GALNT17: variants seen among roughly 807,000 people sequenced by gnomAD.
The protein encoded by GALNT17 is UDP-GalNAc:polypeptide N-acetylgalactosaminyltransferase-like 3.
GALNT17 carries 29 observed loss-of-function variants against 63.7 expected under a neutral mutation model. That is an observed-to-expected ratio of 0.46 (90% CI 0.34 to 0.62). GALNT17 has a LOEUF of 0.62. Ranked by LOEUF, GALNT17 falls within the 20% of genes least tolerant of loss-of-function variation. The pLI is 0.01. For synonymous variants in GALNT17, 305 were observed against 318.3 expected (o/e 0.96, Z 0.45); for missense variants, 603 against 799.6 (o/e 0.75, Z 2.97).
intron 1 of GALNT17, among the ~76,000 whole-genome samples, chr7:71,198,036 A>G (rs984423765): frequency 1.3e-5 from 2 of 151,874 alleles, no homozygotes; most frequent in Non-Finnish European, 2.9e-5. Context: ...TCTCTACTCA[A>G]ATTACAAAAA....
intron 1 of GALNT17, among the ~76,000 whole-genome samples, chr7:71,316,726 C>T (rs1791507570): frequency 6.6e-6 from 1 of 152,100 alleles, no homozygotes; most frequent in Non-Finnish European, 1.5e-5. Context: ...AGGTGCACAC[C>T]TGGGAGAGTG....
chr7:71,333,944 G>C (rs6460652), intron 1 of GALNT17, among the ~76,000 whole-genome samples: 97,895 of 151,496 alleles, frequency 0.65, 31,998 homozygotes, highest in African/African-American at 0.75. Flanking sequence ...GTTTTGAGCA[G>C]AGTTCAGGGG....
At chr7:71,565,977 A>G (rs1346045307) in intron 5 of GALNT17, among the ~76,000 whole-genome samples, 2 of 151,132 alleles carry the variant, frequency 1.3e-5, no homozygotes, top group East Asian at 3.9e-4. Flanking sequence ...CCGAGTAGCT[A>G]GGATTACAGG....
At chr7:71,322,715 G>C (rs1159027346) in intron 1 of GALNT17, among the ~76,000 whole-genome samples, 1 of 152,120 alleles carries the variant, frequency 6.6e-6, no homozygotes, top group Non-Finnish European at 1.5e-5. Context: ...GGTAATGAAG[G>C]TGAAACTCTT....
At chr7:71,414,269 A>C (rs1337213018) in intron 3 of GALNT17, among the ~76,000 whole-genome samples, 1 of 152,162 alleles carries the variant, frequency 6.6e-6, no homozygotes, top group Non-Finnish European at 1.5e-5. Flanking sequence ...AAAAATAAAA[A>C]TGATATTGGC....
At chr7:71,224,058 T>C (rs143238069) in intron 1 of GALNT17, among the ~76,000 whole-genome samples, 77 of 152,232 alleles carry the variant, frequency 5.1e-4, no homozygotes, top group African/African-American at 1.8e-3. Flanking sequence ...GTTCAATACA[T>C]TTTTATTTTT....
At chr7:71,206,636 G>A (rs1329593367) in intron 1 of GALNT17, among the ~76,000 whole-genome samples, 5 of 152,144 alleles carry the variant, frequency 3.3e-5, no homozygotes, top group African/African-American at 1.2e-4. Context: ...GTAAGGTGTA[G>A]GGGAAGTTTT....
At chr7:71,393,530 G>C (rs1793086366) in intron 3 of GALNT17, among the ~76,000 whole-genome samples, 3 of 152,046 alleles carry the variant, frequency 2.0e-5, no homozygotes, top group African/African-American at 7.2e-5. Context: ...TTCCCCCGAA[G>C]TGTAAAGCAT....
At chr7:71,512,014 CTTTT>C (rs11409175) in intron 5 of GALNT17, among the ~76,000 whole-genome samples, 1 of 131,490 alleles carries the variant, frequency 7.6e-6, no homozygotes, top group Non-Finnish European at 1.6e-5. Flanking sequence ...GGGTTCCAGC[CTTTT>C]TTTTTTTTTT....
chr7:71,159,142 C>G (rs762755322), intron 1 of GALNT17, among the ~76,000 whole-genome samples: 66 of 151,764 alleles, frequency 4.3e-4, no homozygotes, highest in South Asian at 4.1e-4. Flanking sequence ...TTTCTTCTGT[C>G]CCTTCTAAGC....
intron 6 of GALNT17, among the ~76,000 whole-genome samples, chr7:71,601,875 C>G (rs1346494962): frequency 2.6e-5 from 4 of 152,216 alleles, no homozygotes; most frequent in African/African-American, 9.6e-5. Context: ...GTCCAAGAAG[C>G]ATGGAATCAA....
chr7:71,550,456 C>T (rs1206856088), intron 5 of GALNT17, among the ~76,000 whole-genome samples: 1 of 152,168 alleles, frequency 6.6e-6, no homozygotes, highest in African/African-American at 2.4e-5. Flanking sequence ...TTTTGGATCA[C>T]TGCAACCTCT....
chr7:71,140,335 G>A (rs995576128), intron 1 of GALNT17, among the ~76,000 whole-genome samples: 24 of 152,172 alleles, frequency 1.6e-4, no homozygotes, highest in African/African-American at 5.1e-4. Context: ...GGTGCTGGAG[G>A]ACACCCACTC....
intron 5 of GALNT17, among the ~76,000 whole-genome samples, chr7:71,537,465 T>G (rs2116796267): frequency 6.6e-6 from 1 of 152,182 alleles, no homozygotes; most frequent in East Asian, 1.9e-4. Flanking sequence ...CTTGAGATAA[T>G]GAGCATCTGA....
At chr7:71,417,669 G>A (rs1786565240) in intron 4 of GALNT17, among the ~76,000 whole-genome samples, 1 of 152,182 alleles carries the variant, frequency 6.6e-6, no homozygotes, top group South Asian at 2.1e-4. Flanking sequence ...AGTTTGAGAA[G>A]CACTGAGCCA....
chr7:71,682,844 A>C (rs941049189), intron 9 of GALNT17, among the ~76,000 whole-genome samples: 1 of 152,108 alleles, frequency 6.6e-6, no homozygotes, highest in Admixed American at 6.6e-5. Flanking sequence ...CTGAGGCTAC[A>C]GGTGTGAGCC....
At position 71,248,589 on chromosome 7, in the gene GALNT17, G is replaced by GC. The variant is rs1554344496; in HGVS notation, c.239-86961_239-86960insC. ...GAAAATAGGAATGATCATTTTCCTT[G>GC]TTTTTTTTCAGATCACTTCATTACA... On this transcript the variant is annotated intron_variant, in intron 1 of 10. Transcript: ENST00000333538. Among the ~76,000 whole-genome samples, 6 of 151,996 alleles carry GC rather than the reference G, an allele frequency of 3.9e-5. No individual in the cohort carries two copies. The East Asian group carries it at 1.2e-3, about 29-fold the overall frequency.
intron 1 of GALNT17, among the ~76,000 whole-genome samples, chr7:71,203,901 T>C (rs537932476): frequency 2.0e-5 from 3 of 152,324 alleles, no homozygotes; most frequent in East Asian, 1.9e-4. Flanking sequence ...TTTACTTTGC[T>C]GTACAGAAGC....
rs138987638 is a variant in GALNT17 at position 71,593,580 on chromosome 7, T to G, written c.1080+22178T>G. On this transcript the variant is annotated intron_variant, in intron 6 of 10. Coordinates refer to ENST00000333538, the MANE Select transcript of GALNT17 (RefSeq NM_022479.3). ...CGCCTGGCCCCTTGACAATTTTGAC[T>G]CTCACCCTTGAAGCTACTGTCTGTA... Among the ~76,000 whole-genome samples, 399 of 152,234 alleles carry G rather than the reference T, an allele frequency of 2.6e-3. 2 individuals are homozygous for G. The highest frequency in any genetic ancestry group is 9.2e-3 in the African/African-American group (382 of 41,542).
Sources: allele counts gnomAD v4.1 joint callset (sites outside exome capture counted in the v4.1 genomes callset), GRCh38; gene constraint gnomAD v4.1.1; transcripts MANE v1.5; gene names NCBI Gene and HGNC (gene_info 2026-07-23, HGNC 2026-07-21).